The following FRMD4A variants were observed in gnomAD, a reference collection of about 807,000 sequenced individuals.
FRMD4A encodes the protein FERM domain containing 4A.
In FRMD4A, 29 loss-of-function variants were observed where a neutral mutation model predicts 129.1. The ratio of observed to expected loss-of-function variants is 0.22; its 90% confidence interval spans 0.17 to 0.31. FRMD4A has a LOEUF of 0.31. FRMD4A is among the 10% of genes least tolerant of loss of function. The probability of loss-of-function intolerance (pLI) is 1.00; values close to 1 mark genes in which losing one functional copy is unlikely to be tolerated. For missense variants in FRMD4A, 1,272 were observed against 1,375.8 expected (o/e 0.92, Z 1.19); for synonymous variants, 634 against 571.6 (o/e 1.11, Z -1.56).
intron 2 of FRMD4A, among the ~76,000 whole-genome samples, chr10:14,038,569 C>G (rs1449122137): frequency 1.3e-5 from 2 of 152,180 alleles, no homozygotes; most frequent in Non-Finnish European, 2.9e-5. Context: ...GACTCAAGAC[C>G]ATGACACCTG....
intron 2 of FRMD4A, among the ~76,000 whole-genome samples, chr10:14,257,849 C>T (rs1206777002): frequency 6.6e-6 from 1 of 152,200 alleles, no homozygotes; most frequent in Non-Finnish European, 1.5e-5. Flanking sequence ...TTCAGACTTC[C>T]AGCTTCCAGA....
Position 13,657,037 on chromosome 10 carries a change from C to A in FRMD4A, c.2552G>T (p.Arg851Leu). 1 of 1,570,042 alleles carries A rather than the reference C, an allele frequency of 6.4e-7. No individual in the cohort carries two copies. Among genetic ancestry groups the A allele is most frequent in the East Asian group, 2.4e-5 (1 of 41,952 alleles). The change falls in exon 22 of 25, where the codon CGC (arginine) becomes CTC (leucine). Residue 851 changes from arginine to leucine, a missense_variant. Physicochemically the swap from Arg to Leu is moderately radical, Grantham distance 102 (BLOSUM62 -2). Around this residue, in one of 2 missense-constraint regions of FRMD4A, gnomAD observed 972 missense variants for 892.3 expected, o/e 1.09. Coordinates refer to ENST00000357447, the MANE Select transcript of FRMD4A (RefSeq NM_018027.5). ...IEGGATPVVVRSLESDQEGHY... is the reference protein window; with the variant it reads ...IEGGATPVVVLSLESDQEGHY... ...GCCCTCCTGGTCGCTCTCCAGGCTGCGCACCACCACGGGCGTGGCGCCGCC... is the reference window on the plus strand; with the variant it reads ...GCCCTCCTGGTCGCTCTCCAGGCTGAGCACCACCACGGGCGTGGCGCCGCC...
chr10:14,158,492 G>A (rs1840710425), intron 2 of FRMD4A, among the ~76,000 whole-genome samples: 1 of 152,008 alleles, frequency 6.6e-6, no homozygotes, highest in African/African-American at 2.4e-5. Flanking sequence ...GTGAGTCTGT[G>A]GCCCCAGCTA....
At chr10:13,853,829 C>CA (rs745585369) in intron 3 of FRMD4A, among the ~76,000 whole-genome samples, 30,893 of 88,354 alleles carry the variant, frequency 0.35, 4,683 homozygotes, top group East Asian at 0.47. Context: ...AAGACTCTCT[C>CA]AAAAAAAAAA....
chr10:13,936,538 G>A (rs554562565), intron 2 of FRMD4A, among the ~76,000 whole-genome samples: 1 of 152,268 alleles, frequency 6.6e-6, no homozygotes, highest in East Asian at 1.9e-4. Context: ...CCTCATAAGA[G>A]ACAGACCCCA....
At chr10:13,963,466 C>T (rs755912270) in intron 2 of FRMD4A, among the ~76,000 whole-genome samples, 9 of 151,964 alleles carry the variant, frequency 5.9e-5, no homozygotes, top group South Asian at 2.1e-4. Flanking sequence ...CATGTGGAAA[C>T]GTTTGGTTGG....
chr10:14,173,400 G>A (rs190808412), intron 2 of FRMD4A, among the ~76,000 whole-genome samples: 7 of 152,314 alleles, frequency 4.6e-5, no homozygotes, highest in Admixed American at 3.9e-4. Flanking sequence ...TTCCCCGTGA[G>A]CATTTCTAAA....
chr10:13,658,982 A>C (rs1541002), intron 21 of FRMD4A, among the ~76,000 whole-genome samples: 11,416 of 152,108 alleles, frequency 0.075, 1,257 homozygotes, highest in African/African-American at 0.24. Context: ...GAGGCACTAA[A>C]GGAAGTCCAG....
chr10:13,817,000 T>A (rs967961586), intron 3 of FRMD4A, among the ~76,000 whole-genome samples: 5 of 152,216 alleles, frequency 3.3e-5, no homozygotes, highest in Non-Finnish European at 7.3e-5. Flanking sequence ...TCAAATAGTT[T>A]CTCTCTTTTC....
intron 2 of FRMD4A, among the ~76,000 whole-genome samples, chr10:14,045,532 G>A (rs1765588162): frequency 6.6e-6 from 1 of 150,886 alleles, no homozygotes; most frequent in Non-Finnish European, 1.5e-5. Context: ...CCATAAATAT[G>A]TATCGTTATT....
intron 2 of FRMD4A, among the ~76,000 whole-genome samples, chr10:14,168,075 G>A (rs557916965): frequency 6.6e-6 from 1 of 152,286 alleles, no homozygotes; most frequent in South Asian, 2.1e-4. Context: ...AAGGCTAGCT[G>A]AAGCCTGAAC....
At chr10:13,892,283 C>T (rs1237238525) in intron 2 of FRMD4A, among the ~76,000 whole-genome samples, 1 of 152,132 alleles carries the variant, frequency 6.6e-6, no homozygotes, top group Non-Finnish European at 1.5e-5. Flanking sequence ...TGGCTGAAGG[C>T]ACAGCTCTTA....
chr10:14,020,647 T>C (rs1832701042), intron 2 of FRMD4A, among the ~76,000 whole-genome samples: 1 of 151,518 alleles, frequency 6.6e-6, no homozygotes, highest in Non-Finnish European at 1.5e-5. Context: ...GGAAGGTGAC[T>C]GGAAAAAAGG....
chr10:14,329,590 C>T (rs1235458881), intron 2 of FRMD4A, among the ~76,000 whole-genome samples: 17 of 152,292 alleles, frequency 1.1e-4, no homozygotes, highest in Middle Eastern at 3.4e-3. Context: ...GAACCTCCTC[C>T]ACCACCTCTA....
intron 2 of FRMD4A, among the ~76,000 whole-genome samples, chr10:14,317,648 A>C (rs1846790470): frequency 6.6e-6 from 1 of 151,924 alleles, no homozygotes; most frequent in South Asian, 2.1e-4. Flanking sequence ...CTTTTTACAA[A>C]GAGAAGGAAT....
At chr10:13,711,636 T>A (rs1010092016) in intron 12 of FRMD4A, among the ~76,000 whole-genome samples, 1 of 152,238 alleles carries the variant, frequency 6.6e-6, no homozygotes, top group African/African-American at 2.4e-5. Flanking sequence ...AAATACTTAG[T>A]TCTACCAATA....
intron 2 of FRMD4A, among the ~76,000 whole-genome samples, chr10:14,091,226 T>C (rs1418489501): frequency 6.6e-6 from 1 of 151,992 alleles, no homozygotes; most frequent in Non-Finnish European, 1.5e-5. Flanking sequence ...TAAAAAGCAA[T>C]CAGATGTTGT....
chr10:14,313,358 G>C (rs146100705), intron 2 of FRMD4A, among the ~76,000 whole-genome samples: 5 of 152,168 alleles, frequency 3.3e-5, no homozygotes, highest in African/African-American at 1.2e-4. Context: ...GCAAGACCCT[G>C]TCTCAGAAAT....
At chr10:13,771,740 G>A (rs1021173743) in intron 6 of FRMD4A, among the ~76,000 whole-genome samples, 1 of 152,122 alleles carries the variant, frequency 6.6e-6, no homozygotes, top group Non-Finnish European at 1.5e-5. Context: ...GGGAAGGTTA[G>A]TGCTTTTAGA....
Sources: allele counts gnomAD v4.1 joint callset (sites outside exome capture counted in the v4.1 genomes callset), GRCh38; gene constraint gnomAD v4.1.1; regional missense constraint gnomAD v4.1.1; transcripts MANE v1.5; gene names NCBI Gene and HGNC (gene_info 2026-07-23, HGNC 2026-07-21).